Variants in ZFC3H1 observed in about 807,000 individuals in gnomAD.
ZFC3H1 encodes the protein zinc finger C3H1-type containing.
ZFC3H1 carries 71 observed loss-of-function variants against 243.7 expected under a neutral mutation model. The observed-to-expected ratio is 0.29, with a 90% confidence interval of 0.24 to 0.36. The LOEUF (loss-of-function observed/expected upper bound fraction) is 0.36, where lower values mean the gene tolerates loss of function less well. Ranked by LOEUF, ZFC3H1 falls within the 10% of genes least tolerant of loss-of-function variation. The pLI is 1.00. For synonymous variants in ZFC3H1, 838 were observed against 813.0 expected, an observed-to-expected ratio of 1.03 and a Z score of -0.52; for missense variants, 1,966 against 2,317.1, an observed-to-expected ratio of 0.85 and a Z score of 3.11.
chr12:71,643,839 C>A (rs1193423132), intron 5 of ZFC3H1, among the ~76,000 whole-genome samples: 1 of 152,210 alleles, frequency 6.6e-6, no homozygotes, highest in Non-Finnish European at 1.5e-5. Flanking sequence ...GTTTTCACCA[C>A]AATTTAGTAA....
Position 71,629,710 on chromosome 12 carries a change from T to C in ZFC3H1, c.3725A>G (p.Glu1242Gly), listed in dbSNP as rs1443057176. 9 of 1,598,914 alleles carry C rather than the reference T, an allele frequency of 5.6e-6. No homozygotes were observed. Among genetic ancestry groups the C allele is most frequent in the Non-Finnish European group, 7.7e-6 (9 of 1,167,362 alleles). ...STNEEITASA[E>G]KYVEKLFGVN... ...TCCAAAAAGTTTCTCAACATATTTT[T>C]CTGAAATAAGAGCAATGCAATCTTC... is the stretch of plus-strand genomic sequence containing the variant. The change falls in exon 19 of 35, where the codon GAA becomes GGA. Residue 1242 changes from glutamate (E) to glycine (G), a missense_variant and splice_region_variant. Around this residue, in one of 4 missense-constraint regions of ZFC3H1, gnomAD observed 1,383 missense variants for 1,723.7 expected, o/e 0.80. Transcript: ENST00000378743.
At chr12:71,626,474 T>G (rs750994576) in intron 21 of ZFC3H1, 28 bp from the exon 22 acceptor site, 2 of 1,555,096 alleles carry the variant, frequency 1.3e-6, no homozygotes, top group Non-Finnish European at 1.7e-6. Context: ...AAGGTGGAAG[T>G]GCTTTTTAGA....
chr12:71,610,458 GTTTAAA>G lies in ZFC3H1; in HGVS notation c.5934_5939del (p.Leu1979_Asn1980del). On this transcript the variant is annotated inframe_deletion, in exon 35 of 35. Transcript: ENST00000378743. Reference sequence around the variant, plus strand: ...GATTCTTGCTTTCTGTTTTGTTACTGTTTAAATTTAAGAGCTCATTTAGGCTGACTC... The same window carrying G: ...GATTCTTGCTTTCTGTTTTGTTACTGTTTAAGAGCTCATTTAGGCTGACTC... 1 of 1,613,456 alleles carries G rather than the reference GTTTAAA, an allele frequency of 6.2e-7. No individual in the cohort carries two copies. The highest frequency in any genetic ancestry group is 8.5e-7 in the Non-Finnish European group (1 of 1,179,518).
Position 71,636,449 on chromosome 12 carries a change from T to C in ZFC3H1, c.2100+41A>G, listed in dbSNP as rs17110054. 4.9e-3 allele frequency: 7,728 copies of C among 1,563,590 alleles called. 356 individuals are homozygous for C. The African/African-American group carries it at 0.093, about 19-fold the overall frequency. On this transcript the variant is annotated intron_variant, in intron 9 of 34. Transcript: ENST00000378743. ...AGCTAAACTTCATAGAAATTTATCATAACTGTTTGAATAAAAGTAGCATTA... is the reference window on the plus strand; with the variant it reads ...AGCTAAACTTCATAGAAATTTATCACAACTGTTTGAATAAAAGTAGCATTA...
At chr12:71,615,940 T>G (rs1879884292) in intron 27 of ZFC3H1, among the ~76,000 whole-genome samples, 1 of 152,126 alleles carries the variant, frequency 6.6e-6, no homozygotes, top group Non-Finnish European at 1.5e-5. Flanking sequence ...AAAGAACAAA[T>G]GAGTCTACCA....
chr12:71,641,792 T>C (rs534484556), intron 6 of ZFC3H1, among the ~76,000 whole-genome samples: 1 of 152,232 alleles, frequency 6.6e-6, no homozygotes, highest in Non-Finnish European at 1.5e-5. Context: ...GAAAGTATCT[T>C]GGATATAAAG....
intron 2 of ZFC3H1, among the ~76,000 whole-genome samples, chr12:71,648,359 A>C (rs1425307920): frequency 2.0e-5 from 3 of 152,240 alleles, no homozygotes; most frequent in Non-Finnish European, 4.4e-5. Context: ...GGCCCAGATG[A>C]CTGATGAAAT....
At position 71,649,579 on chromosome 12, in the gene ZFC3H1, C is replaced by T. The variant is rs141318997; in HGVS notation, c.1016-1766G>A. Among the ~76,000 whole-genome samples, 1,014 of 152,222 alleles carry T rather than the reference C, an allele frequency of 6.7e-3. 4 individuals are homozygous for T. The highest frequency in any genetic ancestry group is 0.013 in the Admixed American group (193 of 15,292). On this transcript the variant is annotated intron_variant, in intron 2 of 34. Coordinates refer to ENST00000378743, the MANE Select transcript of ZFC3H1 (RefSeq NM_144982.5). ...TCTAACCCCATTTTCTCCACACACCCTATTGTTTTTATTGCATAATTTTGC... is the reference window on the plus strand; with the variant it reads ...TCTAACCCCATTTTCTCCACACACCTTATTGTTTTTATTGCATAATTTTGC...
rs1880331423 is a variant in ZFC3H1, at chr12:71,631,860, T to C, written c.3388A>G (p.Thr1130Ala). 1 of 1,613,704 alleles carries C rather than the reference T, an allele frequency of 6.2e-7. No individual in the cohort carries two copies. The highest frequency in any genetic ancestry group is 8.5e-7 in the Non-Finnish European group (1 of 1,179,782). Residue 1130 changes from threonine (T) to alanine (A), a missense_variant, in exon 16 of 35, where the codon ACA becomes GCA. Thr to Ala is a moderately conservative substitution (Grantham distance 58). Around this residue, in one of 4 missense-constraint regions of ZFC3H1, gnomAD observed 1,383 missense variants for 1,723.7 expected, o/e 0.80. Coordinates refer to ENST00000378743, the MANE Select transcript of ZFC3H1 (RefSeq NM_144982.5). The part of the protein sequence containing the change: ...QEISVDVDFV[T>A]AQSKTMEVKP... ...ACTTCCATTGTTTTACTTTGTGCTG[T>C]GACAAAATCCACATCTACAGAAATC...
chr12:71,636,639 T>A lies in ZFC3H1; in HGVS notation c.1951A>T (p.Ser651Cys). ...AGAACTGGAGGTGAAGGTGGGTCAC[T>A]ATTACTGGATGTTTCCTACATAAGG... ...AFKPEETSSN[S>C]DPPSPPVLNN... Residue 651 changes from serine to cysteine, a missense_variant, in exon 9 of 35, where the codon AGT becomes TGT. Ser to Cys is a moderately radical substitution (Grantham distance 112, BLOSUM62 -1). Coordinates refer to ENST00000378743, the MANE Select transcript of ZFC3H1 (RefSeq NM_144982.5). 1.2e-6 allele frequency: 2 copies of A among 1,607,962 alleles called. No individual in the cohort carries two copies. Among genetic ancestry groups the A allele is most frequent in the South Asian group, 1.1e-5 (1 of 89,512 alleles).
Position 71,663,651 on chromosome 12 carries a change from C to A in ZFC3H1, c.-41G>T. Reference sequence around the variant, plus strand: ...TTCCACACAACCTTAGCCCTCCGTCCGGGGATCCGCCCGACAATTGCCTCG... The same window carrying A: ...TTCCACACAACCTTAGCCCTCCGTCAGGGGATCCGCCCGACAATTGCCTCG... On this transcript the variant is annotated 5_prime_UTR_variant, in exon 1 of 35. Coordinates refer to ENST00000378743, the MANE Select transcript of ZFC3H1 (RefSeq NM_144982.5). 2 of 1,575,116 alleles carry A rather than the reference C, an allele frequency of 1.3e-6. No homozygotes were observed. The highest frequency in any genetic ancestry group is 1.7e-6 in the Non-Finnish European group (2 of 1,162,582).
At chr12:71,620,746 A>T (rs1280355870) in intron 24 of ZFC3H1, among the ~76,000 whole-genome samples, 1 of 152,038 alleles carries the variant, frequency 6.6e-6, no homozygotes, top group Non-Finnish European at 1.5e-5. Flanking sequence ...TCCAAACTAG[A>T]TCCTTTCCTT....
intron 10 of ZFC3H1, 135 bp downstream of exon 10, chr12:71,635,308 A>G: frequency 8.5e-7 from 1 of 1,170,074 alleles, no homozygotes; most frequent in Non-Finnish European, 1.2e-6. Context: ...TCCTAATAGC[A>G]CAAATACTTA....
intron 5 of ZFC3H1, among the ~76,000 whole-genome samples, chr12:71,643,721 G>A (rs1149012): frequency 0.66 from 100,957 of 151,942 alleles, 35,628 homozygotes; most frequent in Middle Eastern, 0.8. Context: ...ATTTATTAAG[G>A]TAGTCCATAC....
chr12:71,629,489 A>C, intron 19 of ZFC3H1, 120 bp downstream of exon 19: 1 of 664,516 alleles, frequency 1.5e-6, no homozygotes, highest in Non-Finnish European at 2.5e-6. Flanking sequence ...TATTACATTA[A>C]GAACATAATA....
At chr12:71,653,484 A>AT (rs1185887897) in intron 2 of ZFC3H1, among the ~76,000 whole-genome samples, 3 of 152,200 alleles carry the variant, frequency 2.0e-5, no homozygotes, top group African/African-American at 7.2e-5. Flanking sequence ...GATAATGATC[A>AT]TTTTTTCAGA....
intron 16 of ZFC3H1, 84 bp downstream of exon 16, chr12:71,631,694 C>A (rs958430398): frequency 1.5e-5 from 18 of 1,206,334 alleles, no homozygotes; most frequent in Non-Finnish European, 2.0e-5. Context: ...ATTGCTTTTT[C>A]ATTATCATCA....
intron 10 of ZFC3H1, 26 bp from the exon 11 acceptor site, chr12:71,634,851 C>A: frequency 1.3e-6 from 2 of 1,570,294 alleles, no homozygotes; most frequent in South Asian, 2.4e-5. Context: ...CATTTGAAGT[C>A]AACTAGATCA....
Position 71,657,161 on chromosome 12 carries a change from T to C in ZFC3H1, c.739A>G (p.Lys247Glu). The change falls in exon 2 of 35, where the codon AAA becomes GAA. Residue 247 changes from lysine to glutamate, a missense_variant. Physicochemically the swap from Lys to Glu is moderately conservative, Grantham distance 56. This residue lies in a region of ZFC3H1 where 484 missense variants were observed against 449.7 expected (regional missense o/e 1.08). Coordinates refer to ENST00000378743, the MANE Select transcript of ZFC3H1 (RefSeq NM_144982.5). ...LELECINKDE[K>E]LALSSKEENV... ...TCTTCTTTGCTACTCAATGCTAGTT[T>C]TTCATCCTTATTGATGCATTCTAGT... 1.6e-5 allele frequency: 26 copies of C among 1,613,944 alleles called. 1 individual carries two copies. Among genetic ancestry groups the C allele is most frequent in the Non-Finnish European group, 2.2e-5 (26 of 1,179,924 alleles).
Sources: allele counts gnomAD v4.1 joint callset (sites outside exome capture counted in the v4.1 genomes callset), GRCh38; gene constraint gnomAD v4.1.1; regional missense constraint gnomAD v4.1.1; transcripts MANE v1.5; gene names NCBI Gene and HGNC (gene_info 2026-07-23, HGNC 2026-07-21).